CD2AP: variants seen among roughly 807,000 people sequenced by gnomAD.
CD2AP encodes CD2-associated protein.
A neutral mutation model predicts 85.1 loss-of-function variants in CD2AP; 46 were observed. The ratio of observed to expected loss-of-function variants is 0.54; its 90% CI spans 0.43 to 0.69. The LOEUF is 0.69. Ranked by LOEUF, CD2AP falls within the 30% of genes least tolerant of loss-of-function variation. The pLI is 0.00. For synonymous variants in CD2AP, 255 were observed against 252.9 expected, an observed-to-expected ratio of 1.01 and a Z score of -0.08; for missense variants, 769 against 729.5, an observed-to-expected ratio of 1.05 and a Z score of -0.62.
At chr6:47,484,048 C>G (rs1765508577) in intron 1 of CD2AP, among the ~76,000 whole-genome samples, 1 of 152,034 alleles carries the variant, frequency 6.6e-6, no homozygotes, top group South Asian at 2.1e-4. Context: ...TTAGAAAGAC[C>G]TTTTTTGTTG....
At chr6:47,504,796 A>G (rs1766087570) in intron 2 of CD2AP, among the ~76,000 whole-genome samples, 1 of 152,186 alleles carries the variant, frequency 6.6e-6, no homozygotes, top group Non-Finnish European at 1.5e-5. Context: ...CAGTGATGTA[A>G]AAGTTATGTT....
rs551578455 is a variant in CD2AP, at chr6:47,526,442, A to G, written c.166-7160A>G. On this transcript the variant is annotated intron_variant, in intron 2 of 17. Coordinates refer to ENST00000359314, the MANE Select transcript of CD2AP (RefSeq NM_012120.3). ...AAGGCTGTAAACCTGAGTTTTTTCT[A>G]TTCATTGTAGACTATAAGATTTTTT... Among the ~76,000 whole-genome samples the G allele has an allele frequency of 4.5e-4, 68 of 152,214 alleles. No individual in the cohort carries two copies. The South Asian group carries it at 9.3e-3, about 21-fold the overall frequency.
At chr6:47,619,487 G>C (rs1270771734) in intron 17 of CD2AP, among the ~76,000 whole-genome samples, 1 of 152,170 alleles carries the variant, frequency 6.6e-6, no homozygotes, top group African/African-American at 2.4e-5. Context: ...ACTTGGGTTG[G>C]TTCCATGATT....
intron 1 of CD2AP, among the ~76,000 whole-genome samples, chr6:47,498,090 T>C (rs1224663730): frequency 6.6e-6 from 1 of 152,236 alleles, no homozygotes; most frequent in African/African-American, 2.4e-5. Flanking sequence ...TTTCTTGGAT[T>C]TCATGTCTTC....
chr6:47,485,572 GAA>G (rs1448510069), intron 1 of CD2AP, among the ~76,000 whole-genome samples: 1 of 151,974 alleles, frequency 6.6e-6, no homozygotes, highest in East Asian at 1.9e-4. Flanking sequence ...AAATTAGAAA[GAA>G]AGAAATAAAA....
chr6:47,533,928 T>C (rs1766960335), intron 3 of CD2AP, among the ~76,000 whole-genome samples, 173 bp downstream of exon 3: 1 of 152,238 alleles, frequency 6.6e-6, no homozygotes, highest in Non-Finnish European at 1.5e-5. Context: ...TTTTTAGTCA[T>C]GTGCAATCAA....
intron 17 of CD2AP, among the ~76,000 whole-genome samples, chr6:47,618,947 T>A (rs1769671160): frequency 6.6e-6 from 1 of 152,188 alleles, no homozygotes. Context: ...GAGAAAGATG[T>A]TTCTCCAAAG....
At chr6:47,506,852 A>G (rs71568418) in intron 2 of CD2AP, among the ~76,000 whole-genome samples, 4 of 145,500 alleles carry the variant, frequency 2.7e-5, no homozygotes, top group African/African-American at 5.1e-5. Context: ...AGAGGGAGAG[A>G]GCGGCTGTGG....
At position 47,626,158 on chromosome 6, in the gene CD2AP, T is replaced by A. The variant is rs1182255472; in HGVS notation, c.*1931T>A. On this transcript the variant is annotated 3_prime_UTR_variant, in exon 18 of 18. Coordinates refer to ENST00000359314, the MANE Select transcript of CD2AP (RefSeq NM_012120.3). ...AGGCTGTTCTTAAAGTTTTTGTTGGTCATTTTCTCAATAGTACATGAAATC... is the reference window on the plus strand; with the variant it reads ...AGGCTGTTCTTAAAGTTTTTGTTGGACATTTTCTCAATAGTACATGAAATC... 1.3e-5 allele frequency: 2 copies of A among 151,964 alleles called. No individual in the cohort carries two copies. The highest frequency in any genetic ancestry group is 2.4e-5 in the African/African-American group (1 of 41,434). 9.4% of individuals were successfully genotyped at this position (151,964 alleles called of 1,614,324 possible).
intron 2 of CD2AP, among the ~76,000 whole-genome samples, chr6:47,524,618 T>TTC (rs1562015303): frequency 1.3e-5 from 2 of 151,886 alleles, no homozygotes; most frequent in Non-Finnish European, 2.9e-5. Flanking sequence ...GTGTTTTTTT[T>TTC]TCCACTGTAC....
At position 47,607,912 on chromosome 6, in the gene CD2AP, TA is replaced by T. The variant is rs756943306; in HGVS notation, c.1531-9del. 5 of 1,586,454 alleles carry T rather than the reference TA, an allele frequency of 3.2e-6. No homozygotes were observed. The South Asian group carries it at 3.3e-5, about 11-fold the overall frequency. On this transcript the variant is annotated splice_polypyrimidine_tract_variant and intron_variant, in intron 14 of 17. Transcript: ENST00000359314. ...TTGGTCTATTATGTCTCTTGACTTCTAAAAAATCATTTAGCCAACTCACAGC... is the reference window on the plus strand; with the variant it reads ...TTGGTCTATTATGTCTCTTGACTTCTAAAAATCATTTAGCCAACTCACAGC...
intron 3 of CD2AP, among the ~76,000 whole-genome samples, chr6:47,539,196 A>G (rs909912586): frequency 8.5e-5 from 13 of 152,232 alleles, no homozygotes; most frequent in Non-Finnish European, 2.9e-5. Context: ...TAACATGTTA[A>G]GTAATTGTAA....
chr6:47,511,436 A>G (rs1014161177), intron 2 of CD2AP, among the ~76,000 whole-genome samples: 6 of 152,212 alleles, frequency 3.9e-5, no homozygotes, highest in South Asian at 2.1e-4. Context: ...GGTTTCCTGG[A>G]TTGGATTCTG....
intron 1 of CD2AP, among the ~76,000 whole-genome samples, chr6:47,495,395 G>C (rs764505470): frequency 2.0e-5 from 3 of 152,124 alleles, no homozygotes; most frequent in Admixed American, 1.3e-4. Context: ...TAGGGGCATG[G>C]AGTGATTCTT....
chr6:47,584,068 T>C (rs1768555172), intron 11 of CD2AP, among the ~76,000 whole-genome samples: 1 of 152,228 alleles, frequency 6.6e-6, no homozygotes, highest in African/African-American at 2.4e-5. Context: ...TTTGGTAAAG[T>C]GTTCTGGTCT....
intron 13 of CD2AP, among the ~76,000 whole-genome samples, chr6:47,600,938 T>C (rs1039687532): frequency 6.6e-6 from 1 of 151,876 alleles, no homozygotes; most frequent in Non-Finnish European, 1.5e-5. Context: ...AGTCTTTAAA[T>C]GTTGATGGAG....
intron 2 of CD2AP, among the ~76,000 whole-genome samples, chr6:47,530,457 T>C (rs539068335): frequency 4.0e-4 from 61 of 152,348 alleles, no homozygotes; most frequent in African/African-American, 1.4e-3. Context: ...TAATGTACCA[T>C]ATATATTTTG....
At chr6:47,497,951 G>T (rs1765908755) in intron 1 of CD2AP, among the ~76,000 whole-genome samples, 1 of 152,134 alleles carries the variant, frequency 6.6e-6, no homozygotes, top group South Asian at 2.1e-4. Flanking sequence ...TGCAAATTTA[G>T]TACTTATTTT....
intron 11 of CD2AP, among the ~76,000 whole-genome samples, chr6:47,582,790 G>T (rs867507794): frequency 7.6e-4 from 66 of 86,756 alleles, no homozygotes; most frequent in African/African-American, 1.6e-3. Flanking sequence ...GTTTTTTTTT[G>T]TTTTGTTTTT....
Sources: gnomAD v4.1 joint callset for allele counts (sites outside exome capture counted in the v4.1 genomes callset) on GRCh38, gnomAD v4.1.1 for gene constraint, MANE v1.5 for transcripts, NCBI Gene and HGNC (gene_info 2026-07-23, HGNC 2026-07-21) for gene names.